The following SLCO1A2 variants were observed in gnomAD, a reference collection of about 807,000 sequenced individuals.
SLCO1A2 encodes OATP-1.
Under a neutral mutation model 69.0 loss-of-function variants are expected in SLCO1A2, and 67 were observed. That is an observed-to-expected ratio of 0.97 (90% CI 0.80 to 1.19). SLCO1A2 has a LOEUF of 1.19. Among genes scored for constraint, SLCO1A2 ranks in the 50% most tolerant of loss-of-function variants. The pLI, the probability that SLCO1A2 is intolerant of heterozygous loss-of-function variation, is 0.00. For missense variants in SLCO1A2, 787 were observed against 793.7 expected, an observed-to-expected ratio of 0.99 and a Z score of 0.10; for synonymous variants, 260 against 265.9, an observed-to-expected ratio of 0.98 and a Z score of 0.22.
chr12:21,351,077 C>A (rs1937913670), intron 2 of SLCO1A2, among the ~76,000 whole-genome samples: 1 of 152,060 alleles, frequency 6.6e-6, no homozygotes, highest in African/African-American at 2.4e-5. Flanking sequence ...GTCTCTAAAG[C>A]CCTGGCTCTT....
At chr12:21,368,199 C>G (rs1291390425) in intron 2 of SLCO1A2, among the ~76,000 whole-genome samples, 1 of 152,098 alleles carries the variant, frequency 6.6e-6, no homozygotes, top group Non-Finnish European at 1.5e-5. Context: ...GAGACATATT[C>G]TTACCAAAAT....
chr12:21,326,023 GAGAGGGAC>G (rs1401628726), intron 2 of SLCO1A2, among the ~76,000 whole-genome samples: 3 of 152,154 alleles, frequency 2.0e-5, no homozygotes, highest in Non-Finnish European at 2.9e-5. Flanking sequence ...CACATGCTGT[GAGAGGGAC>G]CCACTGGGAA....
intron 1 of SLCO1A2, among the ~76,000 whole-genome samples, chr12:21,380,896 C>T (rs1467243170): frequency 6.6e-6 from 1 of 150,674 alleles, no homozygotes; most frequent in Non-Finnish European, 1.5e-5. Flanking sequence ...GCCCCAGCCC[C>T]CGACCAAGAA....
intron 2 of SLCO1A2, chr12:21,373,170 T>C: frequency 1.6e-6 from 1 of 609,574 alleles, no homozygotes; most frequent in Non-Finnish European, 2.9e-6. Context: ...ATCTCGAAAT[T>C]ACTTGAAAAG....
upstream of SLCO1A2, among the ~76,000 whole-genome samples, chr12:21,336,404 G>C (rs1476496021): frequency 6.7e-6 from 1 of 148,988 alleles, no homozygotes; most frequent in South Asian, 2.1e-4. Flanking sequence ...ACCATCTAGA[G>C]CAGGTTTTTT....
At chr12:21,385,478 C>T (rs1940831827) in intron 1 of SLCO1A2, among the ~76,000 whole-genome samples, 1 of 152,190 alleles carries the variant, frequency 6.6e-6, no homozygotes, top group South Asian at 2.1e-4. Flanking sequence ...TTGAAGTTAG[C>T]TAACAGCTGG....
chr12:21,396,940 G>A (rs925380602), upstream of SLCO1A2, among the ~76,000 whole-genome samples: 25 of 151,864 alleles, frequency 1.6e-4, no homozygotes, highest in East Asian at 5.8e-4. Flanking sequence ...AAAGACCATC[G>A]AGACTAGGAA....
upstream of SLCO1A2, among the ~76,000 whole-genome samples, chr12:21,397,083 G>A (rs1941494848): frequency 6.6e-6 from 1 of 152,014 alleles, no homozygotes; most frequent in Admixed American, 6.6e-5. Context: ...CTGGCAAATT[G>A]GATAAAGAGT....
chr12:21,286,665 T>C (rs1365692556), intron 12 of SLCO1A2, among the ~76,000 whole-genome samples: 6 of 126,734 alleles, frequency 4.7e-5, no homozygotes, highest in Admixed American at 8.4e-5. Context: ...AACAGAGATA[T>C]AGATCAATGG....
At chr12:21,361,520 C>A (rs939769902) in intron 2 of SLCO1A2, among the ~76,000 whole-genome samples, 1 of 152,188 alleles carries the variant, frequency 6.6e-6, no homozygotes, top group Non-Finnish European at 1.5e-5. Flanking sequence ...AGTAATGGAA[C>A]AAAGCTGGAC....
chr12:21,274,345 C>G, intron 14 of SLCO1A2, 124 bp downstream of exon 14: 1 of 566,830 alleles, frequency 1.8e-6, no homozygotes, highest in Non-Finnish European at 3.2e-6. Flanking sequence ...ACATCAGTAT[C>G]TCTGCTGGAA....
At chr12:21,308,776 G>A (rs950094452) in intron 4 of SLCO1A2, among the ~76,000 whole-genome samples, 3 of 152,156 alleles carry the variant, frequency 2.0e-5, no homozygotes, top group Non-Finnish European at 2.9e-5. Flanking sequence ...CAGTCCCTGC[G>A]TAATGACTCT....
chr12:21,361,748 G>C (rs1049137745), intron 2 of SLCO1A2, among the ~76,000 whole-genome samples: 2 of 152,208 alleles, frequency 1.3e-5, no homozygotes, highest in Non-Finnish European at 2.9e-5. Flanking sequence ...CGTGACGCAT[G>C]TACAAGCTTC....
At chr12:21,288,586 A>G (rs993484073) in intron 12 of SLCO1A2, among the ~76,000 whole-genome samples, 4 of 152,148 alleles carry the variant, frequency 2.6e-5, no homozygotes, top group African/African-American at 9.7e-5. Flanking sequence ...AATGAATTAA[A>G]CCTACTATTT....
intron 2 of SLCO1A2, among the ~76,000 whole-genome samples, chr12:21,345,143 T>C (rs1428092330): frequency 6.6e-6 from 1 of 152,010 alleles, no homozygotes. Flanking sequence ...TCTCTTTTTG[T>C]TTCCTGCTTG....
chr12:21,396,907 G>T (rs539670524), upstream of SLCO1A2, among the ~76,000 whole-genome samples: 14 of 152,088 alleles, frequency 9.2e-5, no homozygotes, highest in Non-Finnish European at 1.9e-4. Context: ...GGTACCAGCT[G>T]CTGCAAAATC....
chr12:21,367,875 A>G (rs1393676567), intron 2 of SLCO1A2, among the ~76,000 whole-genome samples: 1 of 152,150 alleles, frequency 6.6e-6, no homozygotes, highest in Non-Finnish European at 1.5e-5. Flanking sequence ...GAAAAATCAT[A>G]TATCTTGCCT....
rs3834939 is a variant in SLCO1A2 at position 21,334,835 on chromosome 12, C to CT, written c.-72dup. On this transcript the variant is annotated 5_prime_UTR_variant, in exon 1 of 15. Transcript: ENST00000683939. ...TTGCATTACAAAAATACCTGGAACG[C>CT]TTTAATACAGATTAGAAAATCATGG... The CT allele has an allele frequency of 0.35, 177,357 of 514,008 alleles. 30,960 individuals carry two copies. Among genetic ancestry groups the CT allele is most frequent in the African/African-American group, 0.52 (26,227 of 50,744 alleles). 31.8% of individuals were successfully genotyped at this position (514,008 alleles called of 1,614,324 possible).
intron 11 of SLCO1A2, among the ~76,000 whole-genome samples, chr12:21,292,768 G>A (rs998370334): frequency 6.6e-6 from 1 of 151,974 alleles, no homozygotes; most frequent in Admixed American, 6.6e-5. Context: ...GCTACATTTT[G>A]TATTTTTAGC....
Sources: gnomAD v4.1 joint callset for allele counts (sites outside exome capture counted in the v4.1 genomes callset) on GRCh38, gnomAD v4.1.1 for gene constraint, MANE v1.5 for transcripts, NCBI Gene and HGNC (gene_info 2026-07-23, HGNC 2026-07-21) for gene names.